Variants in GUCY1A2 observed in about 807,000 individuals in gnomAD.
GUCY1A2 encodes guanylate cyclase 1 soluble subunit alpha 2.
Under a neutral mutation model 63.5 loss-of-function variants are expected in GUCY1A2, and 27 were observed. The ratio of observed to expected loss-of-function variants is 0.43; its 90% CI spans 0.31 to 0.59. The LOEUF is 0.59. GUCY1A2 is among the 20% of genes least tolerant of loss of function. The pLI, the probability that GUCY1A2 is intolerant of heterozygous loss-of-function variation, is 0.11. For synonymous variants in GUCY1A2, 364 were observed against 343.5 expected (o/e 1.06, Z -0.66); for missense variants, 768 against 913.3 (o/e 0.84, Z 2.05).
At chr11:106,890,806 G>A (rs557826302) in intron 4 of GUCY1A2, among the ~76,000 whole-genome samples, 32 of 152,192 alleles carry the variant, frequency 2.1e-4, no homozygotes, top group South Asian at 6.2e-4. Flanking sequence ...TAAGCCTAGA[G>A]AAACTACTGA....
chr11:106,681,119 G>T lies in GUCY1A2; in HGVS notation c.*6430C>A, dbSNP rs1862425131. On this transcript the variant is annotated 3_prime_UTR_variant, in exon 8 of 8. Transcript: ENST00000526355. ...TTCATTTCGAAATCTGAAAGCTTTA[G>T]TGTTTTTTCAGTATTACTGAATAAT... The T allele has an allele frequency of 4.7e-6, 1 of 211,070 alleles. No homozygotes were observed. The highest frequency in any genetic ancestry group is 5.9e-5 in the Admixed American group (1 of 17,048). The allele number at this position is 211,070 out of a possible 1,614,324, so 13.1% of individuals were successfully genotyped here.
chr11:106,960,493 T>C (rs1197493954), intron 3 of GUCY1A2, among the ~76,000 whole-genome samples: 2 of 152,206 alleles, frequency 1.3e-5, no homozygotes, highest in Non-Finnish European at 2.9e-5. Context: ...CACTCTACTG[T>C]ACTTGGCTGA....
chr11:106,789,926 AACACTAGG>A (rs1193368674), intron 5 of GUCY1A2, among the ~76,000 whole-genome samples: 1 of 152,172 alleles, frequency 6.6e-6, no homozygotes, highest in Non-Finnish European at 1.5e-5. Context: ...TGTGGCCACC[AACACTAGG>A]ACAGTGCTGG....
At chr11:106,925,920 G>A (rs1175706182) in intron 4 of GUCY1A2, among the ~76,000 whole-genome samples, 1 of 152,114 alleles carries the variant, frequency 6.6e-6, no homozygotes, top group Non-Finnish European at 1.5e-5. Flanking sequence ...TAAACCATTC[G>A]TTCTGGTGAT....
chr11:106,916,895 G>A (rs1194708699), intron 4 of GUCY1A2, among the ~76,000 whole-genome samples: 2 of 145,400 alleles, frequency 1.4e-5, no homozygotes, highest in African/African-American at 4.9e-5. Flanking sequence ...GTACAAACTA[G>A]AAATTGCAGA....
chr11:106,716,809 T>C (rs1863224745), intron 6 of GUCY1A2, among the ~76,000 whole-genome samples: 9 of 140,086 alleles, frequency 6.4e-5, no homozygotes, highest in African/African-American at 1.3e-4. Flanking sequence ...AGAGTAAATC[T>C]CAGGAATTAT....
intron 6 of GUCY1A2, among the ~76,000 whole-genome samples, chr11:106,776,106 G>A (rs1041526637): frequency 2.0e-5 from 3 of 151,962 alleles, no homozygotes; most frequent in East Asian, 3.9e-4. Flanking sequence ...TTACTTCTTG[G>A]ATTACCTCTA....
At chr11:106,953,376 C>G (rs984556802) in intron 3 of GUCY1A2, among the ~76,000 whole-genome samples, 8 of 152,206 alleles carry the variant, frequency 5.3e-5, no homozygotes, top group African/African-American at 1.7e-4. Context: ...ATGAAGCCCA[C>G]TTGCTCATGG....
intron 4 of GUCY1A2, among the ~76,000 whole-genome samples, chr11:106,864,051 AC>A (rs752735924): frequency 7.2e-5 from 11 of 151,812 alleles, no homozygotes; most frequent in Admixed American, 1.3e-4. Flanking sequence ...GGCATCACAC[AC>A]CCTGCCTGTC....
At chr11:106,840,261 T>C (rs891632768) in intron 4 of GUCY1A2, among the ~76,000 whole-genome samples, 1 of 151,888 alleles carries the variant, frequency 6.6e-6, no homozygotes, top group Non-Finnish European at 1.5e-5. Context: ...AGGGCTACTG[T>C]AGTGGTGAAA....
intron 4 of GUCY1A2, among the ~76,000 whole-genome samples, chr11:106,927,048 T>C (rs913040870): frequency 1.3e-5 from 2 of 151,254 alleles, no homozygotes; most frequent in African/African-American, 4.8e-5. Flanking sequence ...CAGGGTAAAA[T>C]GTAAAATCTT....
intron 4 of GUCY1A2, among the ~76,000 whole-genome samples, chr11:106,862,723 A>C (rs1859530609): frequency 6.6e-6 from 1 of 152,044 alleles, no homozygotes; most frequent in Non-Finnish European, 1.5e-5. Context: ...AATGAGGAGA[A>C]AATTCTCTGC....
intron 3 of GUCY1A2, among the ~76,000 whole-genome samples, chr11:106,940,660 T>C (rs1860740615): frequency 1.3e-5 from 2 of 152,262 alleles, no homozygotes; most frequent in South Asian, 4.1e-4. Context: ...TAAACAAATG[T>C]ATAATGATAT....
intron 6 of GUCY1A2, among the ~76,000 whole-genome samples, chr11:106,714,707 C>T (rs1473445137): frequency 1.3e-5 from 2 of 152,030 alleles, no homozygotes; most frequent in Non-Finnish European, 2.9e-5. Flanking sequence ...CCTCAGTGGA[C>T]ATTTGGCAAT....
At chr11:107,006,335 A>G (rs1861671093) in intron 1 of GUCY1A2, among the ~76,000 whole-genome samples, 1 of 152,236 alleles carries the variant, frequency 6.6e-6, no homozygotes. Flanking sequence ...GATTAGTGAG[A>G]TAGATGTGAT....
At chr11:106,904,489 C>T (rs1412221859) in intron 4 of GUCY1A2, among the ~76,000 whole-genome samples, 2 of 151,994 alleles carry the variant, frequency 1.3e-5, no homozygotes, top group African/African-American at 4.8e-5. Flanking sequence ...GAGATGTTTG[C>T]CAAAATTACT....
chr11:106,864,277 T>A (rs907762731), intron 4 of GUCY1A2, among the ~76,000 whole-genome samples: 11 of 151,972 alleles, frequency 7.2e-5, no homozygotes, highest in African/African-American at 1.4e-4. Flanking sequence ...GGACTTTTTT[T>A]AAAAACTCGT....
intron 5 of GUCY1A2, among the ~76,000 whole-genome samples, chr11:106,789,360 A>G (rs1435542835): frequency 6.6e-6 from 1 of 152,184 alleles, no homozygotes. Context: ...TTCTTTGTTA[A>G]ATGTACCTGA....
intron 1 of GUCY1A2, among the ~76,000 whole-genome samples, chr11:106,997,627 C>G (rs56025412): frequency 0.014 from 1,790 of 126,766 alleles, 25 homozygotes; most frequent in Non-Finnish European, 0.023. Context: ...ACCCCCCCCC[C>G]CCACCCGAGC....
Sources: allele counts gnomAD v4.1 joint callset (sites outside exome capture counted in the v4.1 genomes callset), GRCh38; gene constraint gnomAD v4.1.1; transcripts MANE v1.5; gene names NCBI Gene and HGNC (gene_info 2026-07-23, HGNC 2026-07-21).